CCDC66: variants seen among roughly 807,000 people sequenced by gnomAD.
The protein encoded by CCDC66 is coiled-coil domain-containing protein 66.
A neutral mutation model predicts 128.3 loss-of-function variants in CCDC66; 133 were observed. The ratio of observed to expected loss-of-function variants is 1.04; its 90% CI spans 0.90 to 1.20. The LOEUF is 1.20. Ranked by LOEUF, CCDC66 falls within the 50% of genes most tolerant of loss-of-function variation. The pLI is 0.00. For synonymous variants in CCDC66, 387 were observed against 357.0 expected (o/e 1.08, Z -0.95); for missense variants, 1,126 against 1,075.5 (o/e 1.05, Z -0.66).
intron 2 of CCDC66, 47 bp from the exon 3 acceptor site, chr3:56,559,522 A>T: frequency 7.7e-7 from 1 of 1,292,352 alleles, no homozygotes; most frequent in Non-Finnish European, 1.1e-6. Context: ...TTACCACCTT[A>T]GTATGCTTTT....
chr3:56,584,041 C>T lies in CCDC66; in HGVS notation c.937-8929C>T, dbSNP rs1304227865. 2.8e-4 allele frequency among the ~76,000 whole-genome samples: 34 copies of T among 121,388 alleles called. 1 individual carries two copies. The highest frequency in any genetic ancestry group is 7.9e-4 in the African/African-American group (26 of 32,950). The allele number at this position is 121,388 out of a possible 152,430, so 79.6% of individuals were successfully genotyped here. A position where few individuals can be genotyped will look rare whatever the true frequency, so the allele number is the denominator to read the frequency against. ...GGCTGCCCCCCACCTCCCTCCCGGA[C>T]GGGGCGGCTGGCCGGGCGGGGGCTG... On this transcript the variant is annotated intron_variant, in intron 7 of 17. Transcript: ENST00000394672.
chr3:56,608,887 A>G (rs1577930737), intron 10 of CCDC66, among the ~76,000 whole-genome samples: 3 of 152,116 alleles, frequency 2.0e-5, no homozygotes, highest in Admixed American at 2.0e-4. Context: ...GGAGCAATTT[A>G]TTTAATTTCC....
chr3:56,582,355 C>T (rs992434929), intron 7 of CCDC66, among the ~76,000 whole-genome samples: 3 of 151,808 alleles, frequency 2.0e-5, no homozygotes, highest in Non-Finnish European at 2.9e-5. Flanking sequence ...CGACCCCTTG[C>T]ACTTCCAGGG....
At chr3:56,557,302 A>G in intron 1 of CCDC66, 49 bp downstream of exon 1, 2 of 1,459,306 alleles carry the variant, frequency 1.4e-6, no homozygotes, top group Non-Finnish European at 1.9e-6. Context: ...GGTGGTCGTC[A>G]GCGGAGAGGG....
chr3:56,604,038 T>C (rs887163749), intron 10 of CCDC66, among the ~76,000 whole-genome samples: 1 of 152,078 alleles, frequency 6.6e-6, no homozygotes, highest in Non-Finnish European at 1.5e-5. Flanking sequence ...TACCATTATG[T>C]AATGGCCTTC....
In CCDC66 at chr3:56,571,253, A is replaced by G. The variant is rs753189220; in HGVS notation, c.887A>G (p.Glu296Gly). The part of the protein sequence containing the change: ...EKWNDPWKKS[E>G]SDKIIWEKHQ... ...TGGAATGATCCTTGGAAAAAATCTGAAAGTGATAAAATAATATGGGAAAAA... is the reference window on the plus strand; with the variant it reads ...TGGAATGATCCTTGGAAAAAATCTGGAAGTGATAAAATAATATGGGAAAAA... Residue 296 changes from glutamate (E) to glycine (G), a missense_variant, in exon 7 of 18, where the codon GAA becomes GGA. Transcript: ENST00000394672. 3 of 1,546,132 alleles carry G rather than the reference A, an allele frequency of 1.9e-6. No individual in the cohort carries two copies. The highest frequency in any genetic ancestry group is 2.6e-6 in the Non-Finnish European group (3 of 1,132,600).
intron 7 of CCDC66, among the ~76,000 whole-genome samples, chr3:56,590,097 T>C (rs958793995): frequency 4.6e-5 from 7 of 152,236 alleles, no homozygotes; most frequent in Non-Finnish European, 1.0e-4. Flanking sequence ...GAATACCTTT[T>C]CTGCGTGGCC....
chr3:56,621,285 T>C (rs928138220), intron 17 of CCDC66: 2 of 307,388 alleles, frequency 6.5e-6, no homozygotes, highest in Non-Finnish European at 1.2e-5. Context: ...CCCATAGTTA[T>C]GGAGTCTTGA....
chr3:56,593,833 A>C, intron 9 of CCDC66, 92 bp downstream of exon 9: 1 of 1,582,452 alleles, frequency 6.3e-7, no homozygotes. Flanking sequence ...CAGGTTTGGT[A>C]TTTGTCTTTG....
chr3:56,596,609 A>G (rs1000019575), intron 10 of CCDC66, among the ~76,000 whole-genome samples: 3 of 151,940 alleles, frequency 2.0e-5, no homozygotes, highest in East Asian at 1.9e-4. Flanking sequence ...TTTTAGTTCA[A>G]TGTAGCCCTA....
chr3:56,566,931 CT>C lies in CCDC66; in HGVS notation c.711-15del. The C allele has an allele frequency of 6.3e-7, 1 of 1,590,712 alleles. No homozygotes were observed. The highest frequency in any genetic ancestry group is 8.6e-7 in the Non-Finnish European group (1 of 1,161,632). On this transcript the variant is annotated intron_variant, in intron 5 of 17. Transcript: ENST00000394672. ...AAATGTATGATACAGTTTCTGTTAT[CT>C]TTTGTGTTTTACCTTAGAGAGAATG...
intron 7 of CCDC66, among the ~76,000 whole-genome samples, chr3:56,576,799 G>A (rs1273152604): frequency 1.3e-5 from 2 of 150,800 alleles, no homozygotes; most frequent in African/African-American, 4.8e-5. Context: ...CATGGTGTAT[G>A]TGTATTAATC....
chr3:56,592,277 G>C (rs2071043413), intron 7 of CCDC66, among the ~76,000 whole-genome samples: 1 of 152,176 alleles, frequency 6.6e-6, no homozygotes, highest in South Asian at 2.1e-4. Flanking sequence ...TATTCCAAAT[G>C]TTGTATTCCA....
chr3:56,559,542 T>C (rs1428766681), intron 2 of CCDC66, 27 bp from the exon 3 acceptor site: 3 of 1,483,174 alleles, frequency 2.0e-6, no homozygotes, highest in Admixed American at 4.3e-5. Flanking sequence ...TGGTGGATAG[T>C]TTAGTAATTT....
chr3:56,618,589 A>ACC (rs2075857184), intron 15 of CCDC66: 5 of 184,642 alleles, frequency 2.7e-5, no homozygotes, highest in South Asian at 1.8e-4. Flanking sequence ...TTAATGAGAG[A>ACC]TTTAGAACCA....
At position 56,619,824 on chromosome 3, in the gene CCDC66, C is replaced by G; in HGVS notation, c.2683C>G (p.Pro895Ala). The G allele has an allele frequency of 1.2e-6, 2 of 1,614,026 alleles. No individual in the cohort carries two copies. Among genetic ancestry groups the G allele is most frequent in the Non-Finnish European group, 1.7e-6 (2 of 1,179,958 alleles). Residue 895 changes from proline to alanine, a missense_variant, in exon 17 of 18, where the codon CCA becomes GCA. Pro to Ala is a conservative substitution (Grantham distance 27). Transcript: ENST00000394672. ...ATTTGATTCTGACTGTGTCAGGGAT[C>G]CACTTCTTAATCCTAACATGGTGAA... is the stretch of plus-strand genomic sequence containing the variant. Reference protein sequence around the residue: ...QLFDSDCVRDPLLNPNMVKNR... With the variant: ...QLFDSDCVRDALLNPNMVKNR...
chr3:56,581,201 C>T (rs1266917788), intron 7 of CCDC66, among the ~76,000 whole-genome samples: 1 of 151,868 alleles, frequency 6.6e-6, no homozygotes, highest in Non-Finnish European at 1.5e-5. Flanking sequence ...ATCAAATTAG[C>T]TACTGAAGCT....
chr3:56,568,444 A>C (rs1007059950), intron 6 of CCDC66, among the ~76,000 whole-genome samples: 1 of 152,162 alleles, frequency 6.6e-6, no homozygotes, highest in African/African-American at 2.4e-5. Context: ...CGTATTTTAT[A>C]ATATTTGACA....
intron 3 of CCDC66, among the ~76,000 whole-genome samples, chr3:56,559,992 A>G (rs1472800111): frequency 6.6e-6 from 1 of 152,204 alleles, no homozygotes; most frequent in African/African-American, 2.4e-5. Flanking sequence ...ATTGTACTGG[A>G]CAATGCACTC....
Sources: gnomAD v4.1 joint callset for allele counts (sites outside exome capture counted in the v4.1 genomes callset) on GRCh38, gnomAD v4.1.1 for gene constraint, MANE v1.5 for transcripts, NCBI Gene and HGNC (gene_info 2026-07-23, HGNC 2026-07-21) for gene names.